Variants in MAF observed in about 807,000 individuals in gnomAD.
The protein encoded by MAF is transcription factor Maf.
MAF carries 10 observed loss-of-function variants against 22.0 expected under a neutral mutation model. That is an observed-to-expected ratio of 0.45 (90% CI 0.28 to 0.77). MAF has a LOEUF of 0.77. Ranked by LOEUF, MAF falls within the 30% of genes least tolerant of loss-of-function variation. The pLI, the probability that MAF is intolerant of heterozygous loss-of-function variation, is 0.12. For synonymous variants in MAF, 337 were observed against 255.8 expected, an observed-to-expected ratio of 1.32 and a Z score of -3.03; for missense variants, 544 against 548.4, an observed-to-expected ratio of 0.99 and a Z score of 0.08.
At chr16:79,349,685 C>T in the MAF span, among the ~76,000 whole-genome samples, 6 of 152,248 alleles carry the variant, frequency 3.9e-5, no homozygotes, top group African/African-American at 9.6e-5. Flanking sequence ...GGGGGCATTT[C>T]GTGGTGATGT....
chr16:79,440,646 C>T, the MAF span, among the ~76,000 whole-genome samples: 1 of 152,088 alleles, frequency 6.6e-6, no homozygotes, highest in African/African-American at 2.4e-5. Context: ...ATGTTGACCT[C>T]GTGATCCACC....
the MAF span, among the ~76,000 whole-genome samples, chr16:79,447,079 AT>A: frequency 6.6e-6 from 1 of 151,168 alleles, no homozygotes; most frequent in Non-Finnish European, 1.5e-5. Context: ...CATGAGCAAA[AT>A]TATTTCATGG....
chr16:79,526,264 C>T, the MAF span, among the ~76,000 whole-genome samples: 2 of 152,120 alleles, frequency 1.3e-5, no homozygotes, highest in South Asian at 4.1e-4. Flanking sequence ...AACTATTCCA[C>T]CTCAGATTAT....
the MAF span, among the ~76,000 whole-genome samples, chr16:79,221,480 C>T: frequency 9.1e-4 from 139 of 152,274 alleles, no homozygotes; most frequent in African/African-American, 2.9e-3. Flanking sequence ...AATGAACACT[C>T]ATACATCTAT....
At chr16:79,222,136 T>G in the MAF span, among the ~76,000 whole-genome samples, 1 of 152,078 alleles carries the variant, frequency 6.6e-6, no homozygotes, top group African/African-American at 2.4e-5. Flanking sequence ...GCAGAAACCC[T>G]AAAAGCCAGA....
chr16:79,203,606 T>C, the MAF span: 11 of 152,178 alleles, frequency 7.2e-5, no homozygotes, highest in Non-Finnish European at 1.5e-4. Flanking sequence ...ACAGCTTGTT[T>C]GTGGTTCGTC....
the MAF span, among the ~76,000 whole-genome samples, chr16:79,452,277 T>C: frequency 1.3e-5 from 2 of 152,226 alleles, no homozygotes; most frequent in African/African-American, 4.8e-5. Context: ...ATAGGTTAAA[T>C]TATGAGCAAC....
intron 1 of MAF, chr16:79,596,230 T>A (rs1036145563): frequency 9.4e-7 from 1 of 1,060,978 alleles, no homozygotes. Flanking sequence ...CAATTATGGC[T>A]CAACTCATTT....
At chr16:79,281,109 G>A in the MAF span, among the ~76,000 whole-genome samples, 3 of 151,980 alleles carry the variant, frequency 2.0e-5, no homozygotes, top group Non-Finnish European at 4.4e-5. Flanking sequence ...AATAGAGGAT[G>A]AATGATTATC....
the MAF span, among the ~76,000 whole-genome samples, chr16:79,242,366 C>CAA: frequency 0.098 from 9,483 of 96,956 alleles, 449 homozygotes; most frequent in Middle Eastern, 0.18. Context: ...AAATGGGAAG[C>CAA]AAAAAAAAAA....
At chr16:79,357,214 C>T in the MAF span, among the ~76,000 whole-genome samples, 2 of 149,984 alleles carry the variant, frequency 1.3e-5, no homozygotes, top group Non-Finnish European at 3.0e-5. Context: ...TGAGATTGTG[C>T]CATTGCACTC....
the MAF span, among the ~76,000 whole-genome samples, chr16:79,328,286 T>A: frequency 6.6e-6 from 1 of 151,874 alleles, no homozygotes; most frequent in South Asian, 2.1e-4. Context: ...AGCTCCTTTT[T>A]TTTTAAAAAA....
downstream of MAF, among the ~76,000 whole-genome samples, chr16:79,583,630 C>T (rs545579884): frequency 2.7e-3 from 410 of 152,354 alleles, no homozygotes; most frequent in Non-Finnish European, 5.2e-3. Flanking sequence ...TCTTTCAGCG[C>T]ATAACATGCA....
chr16:79,315,168 T>C, the MAF span, among the ~76,000 whole-genome samples: 3 of 152,212 alleles, frequency 2.0e-5, no homozygotes, highest in Non-Finnish European at 2.9e-5. Flanking sequence ...TCTGAGGACA[T>C]AGGAGTGAGC....
the MAF span, among the ~76,000 whole-genome samples, chr16:79,240,121 G>A: frequency 6.6e-6 from 1 of 151,860 alleles, no homozygotes; most frequent in Non-Finnish European, 1.5e-5. Flanking sequence ...AATGGCATTG[G>A]GGGTTTAGGG....
the MAF span, among the ~76,000 whole-genome samples, chr16:79,467,494 G>T: frequency 6.6e-6 from 1 of 152,196 alleles, no homozygotes; most frequent in Non-Finnish European, 1.5e-5. Flanking sequence ...CTGAGGCATA[G>T]AGAAATCGAG....
the MAF span, among the ~76,000 whole-genome samples, chr16:79,370,008 C>A: frequency 6.6e-6 from 1 of 152,196 alleles, no homozygotes; most frequent in Admixed American, 6.5e-5. Flanking sequence ...ACGGAGGTGA[C>A]TCAACCGGGA....
chr16:79,492,737 T>C, the MAF span, among the ~76,000 whole-genome samples: 2 of 152,126 alleles, frequency 1.3e-5, no homozygotes, highest in Non-Finnish European at 2.9e-5. Context: ...GCGAATCTCA[T>C]AAACATACTC....
chr16:79,242,780 C>G, the MAF span, among the ~76,000 whole-genome samples: 2 of 152,046 alleles, frequency 1.3e-5, no homozygotes, highest in East Asian at 1.9e-4. Flanking sequence ...TGCACTTATT[C>G]TAAAATTGAC....
Sources: allele counts gnomAD v4.1 joint callset (sites outside exome capture counted in the v4.1 genomes callset), GRCh38; gene constraint gnomAD v4.1.1; transcripts MANE v1.5; gene names NCBI Gene and HGNC (gene_info 2026-07-23, HGNC 2026-07-21).